SIM1: variants seen among roughly 807,000 people sequenced by gnomAD.
SIM1 encodes the protein single-minded homolog 1.
SIM1 carries 18 observed loss-of-function variants against 78.2 expected under a neutral mutation model. The observed-to-expected ratio is 0.23, with a 90% confidence interval of 0.16 to 0.34. SIM1 has a LOEUF of 0.34. SIM1 is among the 10% of genes least tolerant of loss of function. The pLI, the probability that SIM1 is intolerant of heterozygous loss-of-function variation, is 1.00. For missense variants in SIM1, 939 were observed against 975.1 expected, an observed-to-expected ratio of 0.96 and a Z score of 0.49; for synonymous variants, 417 against 385.2, an observed-to-expected ratio of 1.08 and a Z score of -0.97.
chr6:100,419,631 T>C (rs1771510204), intron 10 of SIM1, among the ~76,000 whole-genome samples: 1 of 151,134 alleles, frequency 6.6e-6, no homozygotes, highest in African/African-American at 2.5e-5. Flanking sequence ...AACCAGTTTG[T>C]TTTTGTTTTT....
rs146854571 is a variant in SIM1 at position 100,393,230 on chromosome 6, T to C, written c.1570+257A>G. On this transcript the variant is annotated intron_variant, in intron 11 of 11. Coordinates refer to ENST00000369208, the MANE Select transcript of SIM1 (RefSeq NM_005068.3). ...ACACACTACAAATTCAATAGACATA[T>C]TCAATAATAAACTATGTAATTTCTA... is the stretch of plus-strand genomic sequence containing the variant. Among the ~76,000 whole-genome samples the C allele has an allele frequency of 2.6e-3, 399 of 152,322 alleles. 1 individual carries two copies. The highest frequency in any genetic ancestry group is 9.1e-3 in the African/African-American group (378 of 41,580).
intron 2 of SIM1, among the ~76,000 whole-genome samples, chr6:100,460,996 C>T (rs17060629): frequency 0.07 from 10,557 of 151,704 alleles, 1,227 homozygotes; most frequent in African/African-American, 0.24. Flanking sequence ...AATGATGTGC[C>T]CAGAGTTCAC....
intron 10 of SIM1, among the ~76,000 whole-genome samples, chr6:100,408,031 T>C (rs1169648599): frequency 2.0e-5 from 3 of 152,118 alleles, no homozygotes; most frequent in Non-Finnish European, 4.4e-5. Context: ...GTGCTTTTGG[T>C]GTCATGTCTG....
chr6:100,412,542 GAAAGAAAGAAAGAAAA>G (rs1771218417), intron 10 of SIM1, among the ~76,000 whole-genome samples: 4 of 70,656 alleles, frequency 5.7e-5, no homozygotes, highest in African/African-American at 2.2e-4. Flanking sequence ...GTCTAAGAAA[GAAAGAAAGAAAGAAAA>G]GAAAGAAAGA....
At chr6:100,455,741 C>A (rs2114550896) in intron 2 of SIM1, among the ~76,000 whole-genome samples, 1 of 152,204 alleles carries the variant, frequency 6.6e-6, no homozygotes, top group East Asian at 1.9e-4. Flanking sequence ...GACTGCGTTG[C>A]GACTGGGGAC....
chr6:100,411,510 G>A (rs548278986), intron 10 of SIM1, among the ~76,000 whole-genome samples: 24 of 152,256 alleles, frequency 1.6e-4, no homozygotes, highest in Middle Eastern at 3.4e-3. Context: ...CTTTACAGAC[G>A]TTATACATTT....
intron 11 of SIM1, 106 bp from the exon 12 acceptor site, chr6:100,391,197 A>G: frequency 8.3e-7 from 1 of 1,202,086 alleles, no homozygotes; most frequent in South Asian, 1.7e-5. Context: ...CATTTTTAAT[A>G]TATGCACCAA....
intron 2 of SIM1, among the ~76,000 whole-genome samples, chr6:100,456,339 G>T (rs1447357195): frequency 6.6e-6 from 1 of 152,124 alleles, no homozygotes; most frequent in Non-Finnish European, 1.5e-5. Context: ...TTGGCGAGGG[G>T]GTAAGCTGAG....
At chr6:100,399,064 C>A (rs1178795094) in intron 10 of SIM1, among the ~76,000 whole-genome samples, 2 of 151,888 alleles carry the variant, frequency 1.3e-5, no homozygotes, top group South Asian at 2.1e-4. Flanking sequence ...GAGCATCCTT[C>A]CGCAGGCATA....
intron 9 of SIM1, among the ~76,000 whole-genome samples, chr6:100,439,594 C>T (rs909293984): frequency 6.6e-6 from 1 of 152,264 alleles, no homozygotes; most frequent in South Asian, 2.1e-4. Context: ...TGGTATACAG[C>T]CACACTCAGT....
intron 9 of SIM1, among the ~76,000 whole-genome samples, chr6:100,423,210 T>C (rs1469741244): frequency 6.6e-6 from 1 of 152,198 alleles, no homozygotes; most frequent in Non-Finnish European, 1.5e-5. Flanking sequence ...ATTTCAAAAT[T>C]TCCCTTCATC....
intron 9 of SIM1, among the ~76,000 whole-genome samples, chr6:100,445,196 A>G (rs2114536318): frequency 6.6e-6 from 1 of 152,288 alleles, no homozygotes; most frequent in South Asian, 2.1e-4. Flanking sequence ...AAATCCTGTC[A>G]ACACACACTG....
chr6:100,463,407 T>G lies in SIM1; in HGVS notation c.62A>C (p.Tyr21Ser). The G allele has an allele frequency of 6.2e-7, 1 of 1,614,068 alleles. No individual in the cohort carries two copies. Among genetic ancestry groups the G allele is most frequent in the Non-Finnish European group, 8.5e-7 (1 of 1,179,920 alleles). ...TRREKENSEFYELAKLLPLPS... is the reference protein window; with the variant it reads ...TRREKENSEFSELAKLLPLPS... The stretch of plus-strand genomic sequence containing the variant: ...CAAAGGCAGTAATTTAGCCAGTTCA[T>G]AAAATTCACTGTTTTCCTTCTCCCT... The change falls in exon 2 of 12, where the codon TAT (tyrosine) becomes TCT (serine). Residue 21 changes from tyrosine to serine, a missense_variant. This residue lies in a region of SIM1 where 121 missense variants were observed against 124.6 expected (regional missense o/e 0.97). Transcript: ENST00000369208.
chr6:100,388,663 T>C lies in SIM1; in HGVS notation c.*1698A>G, dbSNP rs1206786389. ...CCTGAGTATTCAATTTCATGTTCTG[T>C]TTCCAAAATTGTAAGTCAAGTTCTG... On this transcript the variant is annotated 3_prime_UTR_variant, in exon 12 of 12. Coordinates refer to ENST00000369208, the MANE Select transcript of SIM1 (RefSeq NM_005068.3). The C allele has an allele frequency of 1.3e-5, 2 of 152,166 alleles. No homozygotes were observed. The highest frequency in any genetic ancestry group is 4.8e-5 in the African/African-American group (2 of 41,448). 9.4% of individuals were successfully genotyped at this position (152,166 alleles called of 1,614,324 possible).
intron 9 of SIM1, 121 bp from the exon 10 acceptor site, chr6:100,421,079 A>G (rs1479428279): frequency 2.1e-6 from 2 of 958,062 alleles, no homozygotes; most frequent in East Asian, 2.7e-5. Flanking sequence ...TTAGCCCTAT[A>G]ACTAGCTTCC....
In SIM1 at chr6:100,394,092, A is replaced by G. The variant is rs116608052; in HGVS notation, c.1168-203T>C. ...TACTTAATTCATTATGATGCTTCCA[A>G]AGAAAATCCTTTTGGTTGATGAAAG... On this transcript the variant is annotated intron_variant, in intron 10 of 11. Coordinates refer to ENST00000369208, the MANE Select transcript of SIM1 (RefSeq NM_005068.3). 2.9e-3 allele frequency: 1,407 copies of G among 484,018 alleles called. 13 individuals are homozygous for G. Among genetic ancestry groups the G allele is most frequent in the African/African-American group, 0.026 (1,284 of 50,196 alleles). 30.0% of individuals were successfully genotyped at this position (484,018 alleles called of 1,614,324 possible). A position where few individuals can be genotyped will look rare whatever the true frequency, so the allele number is the denominator to read the frequency against.
chr6:100,454,734 T>C (rs1054503401), intron 2 of SIM1, among the ~76,000 whole-genome samples: 4 of 152,156 alleles, frequency 2.6e-5, no homozygotes, highest in Non-Finnish European at 4.4e-5. Flanking sequence ...TCTCTGGTGA[T>C]GCCCAAAAAA....
At chr6:100,448,824 G>C in intron 6 of SIM1, 146 bp from the exon 7 acceptor site, 1 of 678,736 alleles carries the variant, frequency 1.5e-6, no homozygotes, top group Non-Finnish European at 2.5e-6. Flanking sequence ...CAAAGTTACT[G>C]GTGCTCTAAG....
chr6:100,447,731 C>A (rs1317579200), intron 8 of SIM1, among the ~76,000 whole-genome samples: 1 of 152,222 alleles, frequency 6.6e-6, no homozygotes, highest in African/African-American at 2.4e-5. Flanking sequence ...AGGCTCTGGG[C>A]AGCTGAGCTC....
Sources: gnomAD v4.1 joint callset for allele counts (sites outside exome capture counted in the v4.1 genomes callset) on GRCh38, gnomAD v4.1.1 for gene constraint, gnomAD v4.1.1 regional missense constraint, MANE v1.5 for transcripts, NCBI Gene and HGNC (gene_info 2026-07-23, HGNC 2026-07-21) for gene names.